Variants in LRP1B observed in about 807,000 individuals in gnomAD.
LRP1B encodes the protein low-density lipoprotein receptor-related protein 1B.
In LRP1B, 217 loss-of-function variants were observed where a neutral mutation model predicts 556.6. The observed-to-expected ratio is 0.39, with a 90% CI of 0.35 to 0.44. The LOEUF (loss-of-function observed/expected upper bound fraction) is 0.44, where lower values mean the gene tolerates loss of function less well. Among genes scored for constraint, LRP1B ranks in the 20% least tolerant of loss-of-function variants. LRP1B has a pLI of 1.00. For missense variants in LRP1B, 5,053 were observed against 5,620.8 expected, an observed-to-expected ratio of 0.90 and a Z score of 3.23; for synonymous variants, 2,047 against 1,865.8, an observed-to-expected ratio of 1.10 and a Z score of -2.50.
intron 66 of LRP1B, among the ~76,000 whole-genome samples, chr2:140,399,736 T>C (rs1454565961): frequency 6.6e-6 from 1 of 152,112 alleles, no homozygotes; most frequent in Admixed American, 6.6e-5. Flanking sequence ...AGTACCCCAA[T>C]GGCAGGCTGT....
At chr2:142,031,339 T>TAATGTA (rs1703697676) in intron 1 of LRP1B, among the ~76,000 whole-genome samples, 1 of 138,210 alleles carries the variant, frequency 7.2e-6, no homozygotes, top group African/African-American at 2.6e-5. Flanking sequence ...TATTTTTTTT[T>TAATGTA]TTTTTTTTTA....
At chr2:140,691,877 T>G (rs936665430) in intron 41 of LRP1B, among the ~76,000 whole-genome samples, 4 of 152,194 alleles carry the variant, frequency 2.6e-5, no homozygotes, top group African/African-American at 9.6e-5. Context: ...AGAGAGAATA[T>G]GACTTGAGAA....
chr2:140,664,445 T>C (rs995384482), intron 41 of LRP1B, among the ~76,000 whole-genome samples: 1 of 151,948 alleles, frequency 6.6e-6, no homozygotes, highest in Non-Finnish European at 1.5e-5. Context: ...TCTTTCCAAA[T>C]ACACCCTCCA....
intron 5 of LRP1B, among the ~76,000 whole-genome samples, chr2:141,233,784 G>T (rs988355755): frequency 2.0e-5 from 3 of 151,730 alleles, no homozygotes; most frequent in Non-Finnish European, 4.4e-5. Flanking sequence ...TATTAATTTG[G>T]CTAGTTTCCT....
In LRP1B at chr2:140,492,688, C is replaced by A. The variant is rs1325053068; in HGVS notation, c.9040G>T (p.Glu3014Ter). The change falls in exon 57 of 91, where the codon GAA becomes TAA. Residue 3014 changes from glutamate to a stop codon, truncating the protein, a stop_gained. Transcript: ENST00000389484. LOFTEE classifies it high-confidence loss of function. The stretch of plus-strand genomic sequence containing the variant: ...TGATCAGCAAGAATTAAAAAAGGTT[C>A]TTCATCTAAACACCAACACAAATAA... ...PNGCKSLSDE[E>*]PFLILADHHE... 1 of 1,607,620 alleles carries A rather than the reference C, an allele frequency of 6.2e-7. No individual in the cohort carries two copies. The highest frequency in any genetic ancestry group is 1.3e-5 in the African/African-American group (1 of 74,790).
chr2:141,317,889 T>A (rs1687089722), intron 3 of LRP1B, among the ~76,000 whole-genome samples: 1 of 152,118 alleles, frequency 6.6e-6, no homozygotes, highest in Non-Finnish European at 1.5e-5. Flanking sequence ...TTTGAGGTCA[T>A]GGGTTCTCAG....
intron 2 of LRP1B, among the ~76,000 whole-genome samples, chr2:141,684,861 G>C (rs1168388707): frequency 2.6e-5 from 4 of 152,020 alleles, no homozygotes. Flanking sequence ...ATGAAAGAAG[G>C]CTGCCAGACT....
Position 140,483,640 on chromosome 2 carries a change from A to ATATATATT in LRP1B, c.9425+1702_9425+1703insAATATATA, listed in dbSNP as rs1491228405. Among the ~76,000 whole-genome samples the ATATATATT allele has an allele frequency of 6.1e-4, 43 of 70,738 alleles. 1 individual carries two copies. The highest frequency in any genetic ancestry group is 2.4e-3 in the African/African-American group (38 of 15,718). The allele number at this position is 70,738 out of a possible 152,430, so 46.4% of individuals were successfully genotyped here. On this transcript the variant is annotated intron_variant, in intron 59 of 90. Transcript: ENST00000389484. Reference sequence around the variant, plus strand: ...CATATATATATATATATATATATATATTTTTTTTTTTTTTTTTTGAGACAC... The same window carrying ATATATATT: ...CATATATATATATATATATATATATATATATATTTTTTTTTTTTTTTTTTTTGAGACAC...
intron 7 of LRP1B, among the ~76,000 whole-genome samples, chr2:141,070,830 C>T (rs1330115547): frequency 1.3e-5 from 2 of 151,954 alleles, no homozygotes; most frequent in East Asian, 3.9e-4. Flanking sequence ...CTGAATAGAC[C>T]AATAACAGGC....
intron 41 of LRP1B, among the ~76,000 whole-genome samples, chr2:140,697,450 T>C (rs1686471984): frequency 6.6e-6 from 1 of 151,658 alleles, no homozygotes; most frequent in South Asian, 2.1e-4. Context: ...TACAACACTC[T>C]CGTTTTTTTC....
At chr2:141,843,682 A>G (rs918123387) in intron 1 of LRP1B, among the ~76,000 whole-genome samples, 1 of 152,174 alleles carries the variant, frequency 6.6e-6, no homozygotes, top group African/African-American at 2.4e-5. Flanking sequence ...GAGATGGTAT[A>G]GAGACAGCCT....
chr2:140,775,317 A>G (rs1042113111), intron 33 of LRP1B, among the ~76,000 whole-genome samples: 5 of 151,998 alleles, frequency 3.3e-5, no homozygotes, highest in Non-Finnish European at 5.9e-5. Flanking sequence ...TCTCTGCTTT[A>G]GTCTACATAC....
At chr2:140,295,351 A>T (rs1429826384) in intron 84 of LRP1B, among the ~76,000 whole-genome samples, 1 of 152,216 alleles carries the variant, frequency 6.6e-6, no homozygotes, top group African/African-American at 2.4e-5. Flanking sequence ...GCCTAATATG[A>T]TAAGAATAAA....
At chr2:140,741,339 T>G (rs1178361180) in intron 35 of LRP1B, among the ~76,000 whole-genome samples, 2 of 152,152 alleles carry the variant, frequency 1.3e-5, no homozygotes, top group Non-Finnish European at 2.9e-5. Flanking sequence ...GTATATTATA[T>G]ATAATAACTA....
chr2:141,303,444 C>A (rs1686468606), intron 3 of LRP1B, among the ~76,000 whole-genome samples: 2 of 152,162 alleles, frequency 1.3e-5, no homozygotes, highest in South Asian at 2.1e-4. Context: ...ACCCCACACA[C>A]CTTTCCTTAC....
chr2:140,413,074 C>G (rs1358855320), intron 66 of LRP1B, among the ~76,000 whole-genome samples: 3 of 151,900 alleles, frequency 2.0e-5, no homozygotes, highest in Admixed American at 2.0e-4. Context: ...AAAAGACACC[C>G]TAAATATATT....
rs555498719 is a variant in LRP1B at position 140,893,564 on chromosome 2, C to T, written c.3767-7229G>A. Among the ~76,000 whole-genome samples, 3 of 152,218 alleles carry T rather than the reference C, an allele frequency of 2.0e-5. No individual in the cohort carries two copies. The South Asian group carries it at 6.2e-4, about 32-fold the overall frequency. On this transcript the variant is annotated intron_variant, in intron 23 of 90. Transcript: ENST00000389484. ...AGTAACCTTTCTGGGTCTTCATTTCCGTAGGTATAAAATCAGAGTTTTAAG... is the reference window on the plus strand; with the variant it reads ...AGTAACCTTTCTGGGTCTTCATTTCTGTAGGTATAAAATCAGAGTTTTAAG...
chr2:141,287,327 C>CTT (rs373364398), intron 3 of LRP1B, among the ~76,000 whole-genome samples: 117 of 141,978 alleles, frequency 8.2e-4, no homozygotes, highest in East Asian at 1.6e-3. Flanking sequence ...CTTTATTTTT[C>CTT]TTTTTTTTTT....
At chr2:140,956,833 T>A (rs1348416652) in intron 18 of LRP1B, among the ~76,000 whole-genome samples, 2 of 151,742 alleles carry the variant, frequency 1.3e-5, no homozygotes, top group African/African-American at 4.8e-5. Context: ...TATTGGGTAG[T>A]TACCTAACAT....
Sources: gnomAD v4.1 joint callset for allele counts (sites outside exome capture counted in the v4.1 genomes callset) on GRCh38, gnomAD v4.1.1 for gene constraint, MANE v1.5 for transcripts, NCBI Gene and HGNC (gene_info 2026-07-23, HGNC 2026-07-21) for gene names.